The following SEMA3A variants were observed in gnomAD, a reference collection of about 807,000 sequenced individuals.
The protein encoded by SEMA3A is semaphorin-3A.
SEMA3A carries 29 observed loss-of-function variants against 97.9 expected under a neutral mutation model. The ratio of observed to expected loss-of-function variants is 0.30; its 90% CI spans 0.22 to 0.40. The LOEUF (loss-of-function observed/expected upper bound fraction) is 0.40. Ranked by LOEUF, SEMA3A falls within the 10% of genes least tolerant of loss-of-function variation. The pLI, the probability that SEMA3A is intolerant of heterozygous loss-of-function variation, is 1.00. For missense variants in SEMA3A, 763 were observed against 951.3 expected (o/e 0.80, Z 2.60); for synonymous variants, 321 against 323.7 (o/e 0.99, Z 0.09).
chr7:84,389,473 C>T (rs1042467049), intron 1 of SEMA3A, among the ~76,000 whole-genome samples: 42 of 152,008 alleles, frequency 2.8e-4, no homozygotes, highest in African/African-American at 7.7e-4. Context: ...TATGTAATTG[C>T]GTAACTCAAC....
In SEMA3A at chr7:84,036,779, C is replaced by T. The variant is rs182658464; in HGVS notation, c.667+9545G>A. Among the ~76,000 whole-genome samples, 313 of 152,050 alleles carry T rather than the reference C, an allele frequency of 2.1e-3. 2 individuals are homozygous for T. The highest frequency in any genetic ancestry group is 7.4e-3 in the African/African-American group (306 of 41,508). ...TTACATAGTATCTTAATTGTTTTTA[C>T]GGACAACCATATGGTCAGATATAAA... On this transcript the variant is annotated intron_variant, in intron 6 of 16. Coordinates refer to ENST00000265362, the MANE Select transcript of SEMA3A (RefSeq NM_006080.3).
intron 3 of SEMA3A, among the ~76,000 whole-genome samples, chr7:84,128,585 A>G (rs1795868424): frequency 6.6e-6 from 1 of 152,186 alleles, no homozygotes; most frequent in Non-Finnish European, 1.5e-5. Flanking sequence ...CATTCTATAC[A>G]TAAATCTGTC....
chr7:83,973,217 A>G (rs1788990043), intron 15 of SEMA3A, among the ~76,000 whole-genome samples: 1 of 152,166 alleles, frequency 6.6e-6, no homozygotes, highest in Non-Finnish European at 1.5e-5. Flanking sequence ...TAGTTCAAGG[A>G]GTATTTTTTA....
intron 1 of SEMA3A, among the ~76,000 whole-genome samples, chr7:84,138,388 A>G (rs1796206561): frequency 6.6e-6 from 1 of 152,094 alleles, no homozygotes; most frequent in African/African-American, 2.4e-5. Flanking sequence ...TTTCCAGTTT[A>G]TGTATTCTCA....
chr7:84,424,798 T>A (rs1340641450), intron 1 of SEMA3A, among the ~76,000 whole-genome samples: 1 of 101,342 alleles, frequency 9.9e-6, no homozygotes, highest in Non-Finnish European at 1.7e-5. Flanking sequence ...TATAAATAAT[T>A]TATACAAATA....
intron 1 of SEMA3A, among the ~76,000 whole-genome samples, chr7:84,448,192 G>A (rs1805472146): frequency 1.3e-5 from 2 of 152,298 alleles, no homozygotes; most frequent in South Asian, 4.1e-4. Context: ...GCAGGCATGA[G>A]CAAAACTCAG....
At chr7:84,430,789 TTGTGTG>T (rs56814153) in intron 1 of SEMA3A, among the ~76,000 whole-genome samples, 5,578 of 143,404 alleles carry the variant, frequency 0.039, 247 homozygotes, top group African/African-American at 0.12. Context: ...AACATAAAAT[TTGTGTG>T]TGTGTGTGTG....
In SEMA3A at chr7:84,062,509, G is replaced by A. The variant is rs116569531; in HGVS notation, c.454-1951C>T. On this transcript the variant is annotated intron_variant, in intron 4 of 16. Coordinates refer to ENST00000265362, the MANE Select transcript of SEMA3A (RefSeq NM_006080.3). ...TTTCTGCATTTCCATCTCAGGTACC[G>A]GGTTCACCTCACTACGGAGTGCGAG... Among the ~76,000 whole-genome samples the A allele has an allele frequency of 7.6e-3, 1,161 of 152,258 alleles. 23 individuals are homozygous for A. Among genetic ancestry groups the A allele is most frequent in the African/African-American group, 0.026 (1,091 of 41,548 alleles).
chr7:84,267,994 T>C (rs1800047609), intron 3 of SEMA3A, among the ~76,000 whole-genome samples: 1 of 152,160 alleles, frequency 6.6e-6, no homozygotes, highest in South Asian at 2.1e-4. Flanking sequence ...GCAAAGTTTA[T>C]TTGAATTACA....
intron 3 of SEMA3A, among the ~76,000 whole-genome samples, chr7:84,291,042 G>C (rs1357597989): frequency 3.9e-5 from 6 of 152,022 alleles, no homozygotes; most frequent in African/African-American, 1.4e-4. Context: ...GTAAGAGTTA[G>C]ATTGTATACC....
At chr7:84,320,976 T>G (rs951174980) in intron 2 of SEMA3A, among the ~76,000 whole-genome samples, 3 of 152,206 alleles carry the variant, frequency 2.0e-5, no homozygotes, top group Admixed American at 1.3e-4. Context: ...CCATCAATAT[T>G]GGTGAATTAC....
chr7:84,288,471 A>C (rs1331291884), intron 3 of SEMA3A, among the ~76,000 whole-genome samples: 2 of 152,054 alleles, frequency 1.3e-5, no homozygotes, highest in African/African-American at 4.8e-5. Context: ...GCCAAGGCGG[A>C]TGGATCACTT....
chr7:84,063,700 G>A (rs986031509), intron 4 of SEMA3A, among the ~76,000 whole-genome samples: 5 of 150,960 alleles, frequency 3.3e-5, no homozygotes, highest in South Asian at 2.1e-4. Context: ...GAAATAAAGC[G>A]AGAAGGGAAG....
chr7:84,212,319 T>C (rs1562854893), intron 3 of SEMA3A, among the ~76,000 whole-genome samples: 1 of 152,210 alleles, frequency 6.6e-6, no homozygotes, highest in Non-Finnish European at 1.5e-5. Flanking sequence ...ACAAAAACTA[T>C]TTAGAACACA....
intron 1 of SEMA3A, among the ~76,000 whole-genome samples, chr7:84,424,906 C>T (rs1304927462): frequency 2.7e-4 from 15 of 54,916 alleles, no homozygotes; most frequent in African/African-American, 8.9e-4. Flanking sequence ...TTTATATAAA[C>T]ATAAATATAT....
At chr7:84,488,315 T>TACACACACACACACAC (rs1408597815) in intron 1 of SEMA3A, among the ~76,000 whole-genome samples, 4 of 94,206 alleles carry the variant, frequency 4.2e-5, no homozygotes, top group African/African-American at 1.8e-4. Context: ...TTTCTTCGTA[T>TACACACACACACACAC]ATACACACAC....
Position 84,348,965 on chromosome 7 carries a change from G to T in SEMA3A, c.-169+22859C>A, listed in dbSNP as rs142511080. ...CCTCACTGCACTCCAGCCTGGGCAA[G>T]GGAGTGAGACTCCATCTCAAAAAAA... On this transcript the variant is annotated intron_variant, in intron 2 of 3. Coordinates refer to the SEMA3A transcript ENST00000424555. 6.3e-3 allele frequency among the ~76,000 whole-genome samples: 955 copies of T among 152,120 alleles called. 7 individuals carry two copies. The highest frequency in any genetic ancestry group is 0.021 in the Middle Eastern group (6 of 292).
intron 4 of SEMA3A, among the ~76,000 whole-genome samples, chr7:84,063,060 C>A (rs369518646): frequency 0.063 from 9,371 of 149,046 alleles, 326 homozygotes; most frequent in East Asian, 0.16. Flanking sequence ...CCCAGCACGC[C>A]GCTGGAGATC....
chr7:84,025,821 G>A (rs1389931790), intron 6 of SEMA3A, among the ~76,000 whole-genome samples: 2 of 152,142 alleles, frequency 1.3e-5, no homozygotes, highest in Admixed American at 6.5e-5. Context: ...AAGACCCAGC[G>A]AATGTTCAAG....
Sources: gnomAD v4.1 joint callset for allele counts (sites outside exome capture counted in the v4.1 genomes callset) on GRCh38, gnomAD v4.1.1 for gene constraint, MANE v1.5 for transcripts, NCBI Gene and HGNC (gene_info 2026-07-23, HGNC 2026-07-21) for gene names.